Variants in MYT1L observed in about 807,000 individuals in gnomAD.
MYT1L encodes myelin transcription factor 1 like, also known as myelin transcription factor 1-like protein.
Under a neutral mutation model 126.7 loss-of-function variants are expected in MYT1L, and 12 were observed. The ratio of observed to expected loss-of-function variants is 0.09; its 90% CI spans 0.06 to 0.15. The LOEUF is 0.15. Ranked by LOEUF, MYT1L falls within the 10% of genes least tolerant of loss-of-function variation. The probability of loss-of-function intolerance (pLI) is 1.00; values close to 1 mark genes in which losing one functional copy is unlikely to be tolerated. For synonymous variants in MYT1L, 541 were observed against 604.2 expected (o/e 0.90, Z 1.53); for missense variants, 979 against 1,585.2 (o/e 0.62, Z 6.49).
chr2:2,003,790 C>T (rs1305907312), intron 4 of MYT1L, among the ~76,000 whole-genome samples: 2 of 152,238 alleles, frequency 1.3e-5, no homozygotes, highest in Non-Finnish European at 2.9e-5. Context: ...AGTCTCCCCT[C>T]AGCCTCTGGG....
intron 3 of MYT1L, among the ~76,000 whole-genome samples, chr2:2,054,333 G>C (rs2069206855): frequency 6.6e-6 from 1 of 152,018 alleles, no homozygotes; most frequent in South Asian, 2.1e-4. Context: ...GACACATGGA[G>C]ATGATGAGAT....
intron 3 of MYT1L, among the ~76,000 whole-genome samples, chr2:2,062,105 C>T (rs1292879702): frequency 6.6e-6 from 1 of 152,202 alleles, no homozygotes; most frequent in Non-Finnish European, 1.5e-5. Flanking sequence ...CGCCCAAGCC[C>T]TTCTCACAGT....
chr2:1,968,618 A>T lies in MYT1L; in HGVS notation c.152+10547T>A, dbSNP rs193297511. Among the ~76,000 whole-genome samples the T allele has an allele frequency of 6.2e-4, 94 of 152,276 alleles. 1 individual carries two copies. The highest frequency in any genetic ancestry group is 2.0e-3 in the African/African-American group (82 of 41,576). Reference sequence around the variant, plus strand: ...TCAGCAGGAGACAGAGGGTGCGTTTATCTTAAGGATGCAACCAGAGGCTTG... The same window carrying T: ...TCAGCAGGAGACAGAGGGTGCGTTTTTCTTAAGGATGCAACCAGAGGCTTG... On this transcript the variant is annotated intron_variant, in intron 8 of 24. Coordinates refer to ENST00000647738, the MANE Select transcript of MYT1L (RefSeq NM_001303052.2).
intron 3 of MYT1L, among the ~76,000 whole-genome samples, chr2:2,157,636 T>C (rs1396813568): frequency 6.6e-6 from 1 of 152,200 alleles, no homozygotes; most frequent in Non-Finnish European, 1.5e-5. Context: ...AGGCAGGAGA[T>C]GAAACATTGA....
chr2:1,789,791 A>T lies in MYT1L; in HGVS notation c.*2076T>A, dbSNP rs2031720636. On this transcript the variant is annotated 3_prime_UTR_variant, in exon 25 of 25. Coordinates refer to ENST00000647738, the MANE Select transcript of MYT1L (RefSeq NM_001303052.2). ...TCAGCTCTCAAAACGCATTCTGAGC[A>T]TGGCAGCTGCAACCAATAGCACAAC... The T allele has an allele frequency of 6.6e-6, 1 of 152,220 alleles. No homozygotes were observed. The highest frequency in any genetic ancestry group is 2.1e-4 in the South Asian group (1 of 4,832). The allele number at this position is 152,220 out of a possible 1,614,324, so 9.4% of individuals were successfully genotyped here.
chr2:2,304,887 G>T (rs574928910), intron 1 of MYT1L, among the ~76,000 whole-genome samples: 2 of 152,320 alleles, frequency 1.3e-5, no homozygotes, highest in African/African-American at 4.8e-5. Context: ...GAACTGTCTT[G>T]TGGGTGCCAC....
intron 3 of MYT1L, among the ~76,000 whole-genome samples, chr2:2,098,507 C>T (rs752595413): frequency 6.6e-6 from 1 of 152,134 alleles, no homozygotes; most frequent in Admixed American, 6.6e-5. Flanking sequence ...AGTAGGAGAT[C>T]GTGCCTCCCA....
intron 3 of MYT1L, among the ~76,000 whole-genome samples, chr2:2,089,645 A>G (rs1262382956): frequency 6.6e-6 from 1 of 152,242 alleles, no homozygotes; most frequent in East Asian, 1.9e-4. Context: ...TCTTCTCATT[A>G]TACAGATGGA....
chr2:2,210,696 A>G (rs7582528), intron 2 of MYT1L, among the ~76,000 whole-genome samples: 123,938 of 152,186 alleles, frequency 0.81, 51,203 homozygotes, highest in African/African-American at 0.96. Context: ...GCTTCACAAA[A>G]TTTAGGCTAT....
chr2:2,005,943 TGTTCTTTCCTGAATGC>T (rs2063269381), intron 4 of MYT1L, among the ~76,000 whole-genome samples: 1 of 147,710 alleles, frequency 6.8e-6, no homozygotes, highest in South Asian at 2.2e-4. Flanking sequence ...TTCCTGCATG[TGTTCTTTCCTGAATGC>T]GTTCTTTCCT....
intron 3 of MYT1L, among the ~76,000 whole-genome samples, chr2:2,162,423 G>A (rs1429269308): frequency 6.6e-6 from 1 of 152,094 alleles, no homozygotes; most frequent in African/African-American, 2.4e-5. Context: ...AATGCAGGTG[G>A]TGCTCGTGGT....
intron 3 of MYT1L, among the ~76,000 whole-genome samples, chr2:2,093,538 TTTG>T (rs2077118221): frequency 6.6e-6 from 1 of 151,720 alleles, no homozygotes; most frequent in African/African-American, 2.4e-5. Flanking sequence ...GATGGGGTTG[TTTG>T]TTTTTTTCTT....
chr2:2,142,927 T>A (rs1346814988), intron 3 of MYT1L, among the ~76,000 whole-genome samples: 1 of 151,532 alleles, frequency 6.6e-6, no homozygotes, highest in East Asian at 2.0e-4. Context: ...CCTCAGGTGA[T>A]CTGCCTGCCT....
intron 2 of MYT1L, among the ~76,000 whole-genome samples, chr2:2,217,685 C>CAAAAAAAAAAAAAAAAAA (rs1167910803): frequency 1.1e-4 from 9 of 79,658 alleles, no homozygotes; most frequent in Non-Finnish European, 1.7e-4. Context: ...ACAACAACAA[C>CAAAAAAAAAAAAAAAAAA]AACAACAACA....
intron 2 of MYT1L, among the ~76,000 whole-genome samples, chr2:2,193,505 G>C (rs1371834248): frequency 5.9e-5 from 9 of 152,160 alleles, no homozygotes; most frequent in Non-Finnish European, 1.3e-4. Context: ...TTCAGTAAAT[G>C]AGGCAAATGT....
intron 4 of MYT1L, among the ~76,000 whole-genome samples, chr2:2,023,590 G>A (rs1158934360): frequency 1.3e-5 from 2 of 151,510 alleles, no homozygotes; most frequent in African/African-American, 4.8e-5. Flanking sequence ...ACTCGGAGCA[G>A]CTCCCCTGCC....
intron 13 of MYT1L, among the ~76,000 whole-genome samples, chr2:1,906,864 G>A (rs1055905952): frequency 6.6e-6 from 1 of 151,710 alleles, no homozygotes; most frequent in Non-Finnish European, 1.5e-5. Flanking sequence ...GATCACTTGA[G>A]CCCAGGAGTT....
At chr2:2,191,947 C>T (rs1472648021) in intron 2 of MYT1L, among the ~76,000 whole-genome samples, 3 of 152,242 alleles carry the variant, frequency 2.0e-5, no homozygotes, top group South Asian at 2.1e-4. Flanking sequence ...GCAGACCCTA[C>T]GTTATCCATA....
chr2:1,946,626 C>G (rs1376056282), intron 8 of MYT1L, among the ~76,000 whole-genome samples: 1 of 152,106 alleles, frequency 6.6e-6, no homozygotes, highest in Non-Finnish European at 1.5e-5. Flanking sequence ...GTTATCATCC[C>G]TTAAAAACAT....
Sources: allele counts gnomAD v4.1 joint callset (sites outside exome capture counted in the v4.1 genomes callset), GRCh38; gene constraint gnomAD v4.1.1; transcripts MANE v1.5; gene names NCBI Gene and HGNC (gene_info 2026-07-23, HGNC 2026-07-21).